The following TENM4 variants were observed in gnomAD, a reference collection of about 807,000 sequenced individuals.
The protein encoded by TENM4 is teneurin transmembrane protein 4, also known as teneurin-4.
TENM4 carries 82 observed loss-of-function variants against 243.3 expected under a neutral mutation model. The observed-to-expected ratio is 0.34, with a 90% CI of 0.28 to 0.40. The LOEUF (loss-of-function observed/expected upper bound fraction) is 0.40, where lower values mean the gene tolerates loss of function less well. Ranked by LOEUF, TENM4 falls within the 10% of genes least tolerant of loss-of-function variation. The probability of loss-of-function intolerance (pLI) is 1.00; values close to 1 mark genes in which losing one functional copy is unlikely to be tolerated. For missense variants in TENM4, 3,138 were observed against 3,673.3 expected, an observed-to-expected ratio of 0.85 and a Z score of 3.77; for synonymous variants, 1,412 against 1,456.3, an observed-to-expected ratio of 0.97 and a Z score of 0.69.
At chr11:79,129,063 G>A (rs1861941358) in intron 4 of TENM4, among the ~76,000 whole-genome samples, 1 of 152,182 alleles carries the variant, frequency 6.6e-6, no homozygotes, top group African/African-American at 2.4e-5. Flanking sequence ...TGCAGAAGGG[G>A]GAAAGGGAGA....
chr11:78,846,453 C>A lies in TENM4; in HGVS notation c.1681+7651G>T, dbSNP rs189093964. On this transcript the variant is annotated intron_variant, in intron 12 of 33. Transcript: ENST00000278550. ...GCACATGAAAGGCAATGAGTAAACACGGGTTGAATAATGAACAAATGAACA... is the reference window on the plus strand; with the variant it reads ...GCACATGAAAGGCAATGAGTAAACAAGGGTTGAATAATGAACAAATGAACA... Among the ~76,000 whole-genome samples the A allele has an allele frequency of 2.6e-3, 390 of 152,232 alleles. 1 individual carries two copies. Among genetic ancestry groups the A allele is most frequent in the Middle Eastern group, 0.014 (4 of 294 alleles).
At chr11:78,671,456 T>C (rs1001140045) in intron 31 of TENM4, among the ~76,000 whole-genome samples, 2 of 152,208 alleles carry the variant, frequency 1.3e-5, no homozygotes, top group Non-Finnish European at 2.9e-5. Context: ...GTGCACTTGT[T>C]CTCAGGAAAA....
At chr11:79,178,432 C>A (rs72935387) in intron 3 of TENM4, among the ~76,000 whole-genome samples, 4,143 of 150,924 alleles carry the variant, frequency 0.027, 87 homozygotes, top group Non-Finnish European at 0.04. Flanking sequence ...CCTGGGGCAC[C>A]CCTGCATTCA....
chr11:79,020,274 G>A (rs1038264921), intron 6 of TENM4, among the ~76,000 whole-genome samples: 6 of 152,106 alleles, frequency 3.9e-5, no homozygotes, highest in Admixed American at 3.3e-4. Flanking sequence ...GATCAACACC[G>A]AACACTAATT....
At chr11:79,076,430 A>G (rs1396352581) in intron 4 of TENM4, 2 of 155,486 alleles carry the variant, frequency 1.3e-5, no homozygotes, top group Non-Finnish European at 2.8e-5. Flanking sequence ...GGCACATCTC[A>G]CATGGTGGCA....
At chr11:78,942,738 T>C (rs747051314) in intron 6 of TENM4, among the ~76,000 whole-genome samples, 9 of 151,868 alleles carry the variant, frequency 5.9e-5, no homozygotes, top group East Asian at 3.9e-4. Flanking sequence ...CCTGCTTAAC[T>C]TTTCACAAAT....
In TENM4 at chr11:78,688,094, G is replaced by T; in HGVS notation, c.5220C>A (p.Thr1740=). 1.2e-6 allele frequency: 2 copies of T among 1,613,872 alleles called. No homozygotes were observed. The highest frequency in any genetic ancestry group is 1.7e-6 in the Non-Finnish European group (2 of 1,179,850). The part of the protein sequence containing the change: ...TSSKDDVTIT[T]NLSASGAFYT... ...AGAAGGCGCCTGAGGCAGACAGGTT[G>T]GTGGTTATGGTGACATCATCCTTGC... Residue 1740 remains threonine (T), a synonymous_variant, in exon 29 of 34, where the codon ACC becomes ACA. Coordinates refer to ENST00000278550, the MANE Select transcript of TENM4 (RefSeq NM_001098816.3).
chr11:79,092,169 G>T (rs1379140132), intron 4 of TENM4, among the ~76,000 whole-genome samples: 3 of 152,166 alleles, frequency 2.0e-5, no homozygotes, highest in South Asian at 2.1e-4. Flanking sequence ...CATCTCTGCT[G>T]CCAGGCACTG....
rs559248281 is a variant in TENM4 at position 78,827,253 on chromosome 11, A to G, written c.1682-12858T>C. ...TATACTTTAGAAAACACTGGAGAGGAGAAAGCCCAAATTTCTGAACCAGGA... is the reference window on the plus strand; with the variant it reads ...TATACTTTAGAAAACACTGGAGAGGGGAAAGCCCAAATTTCTGAACCAGGA... On this transcript the variant is annotated intron_variant, in intron 12 of 33. Transcript: ENST00000278550. 1.8e-3 allele frequency among the ~76,000 whole-genome samples: 275 copies of G among 152,248 alleles called. 1 individual carries two copies. The highest frequency in any genetic ancestry group is 6.5e-3 in the African/African-American group (271 of 41,556).
At chr11:79,104,099 C>T (rs962374999) in intron 4 of TENM4, among the ~76,000 whole-genome samples, 1 of 152,260 alleles carries the variant, frequency 6.6e-6, no homozygotes, top group South Asian at 2.1e-4. Flanking sequence ...GTCTTCCCTT[C>T]CTAGCTGAAA....
intron 6 of TENM4, among the ~76,000 whole-genome samples, chr11:78,985,379 T>G (rs1169309112): frequency 6.6e-6 from 1 of 152,170 alleles, no homozygotes; most frequent in African/African-American, 2.4e-5. Flanking sequence ...CAAAAGAGAA[T>G]GTATAGATTT....
chr11:78,945,592 T>A (rs1411884319), intron 6 of TENM4, among the ~76,000 whole-genome samples: 1 of 152,134 alleles, frequency 6.6e-6, no homozygotes, highest in Non-Finnish European at 1.5e-5. Context: ...CTAGAAATAA[T>A]TAAATTCAGT....
intron 6 of TENM4, 30 bp downstream of exon 6, chr11:79,064,708 C>T: frequency 6.4e-7 from 1 of 1,550,820 alleles, no homozygotes. Flanking sequence ...ACCACCCAGG[C>T]ACCCGGCACA....
intron 12 of TENM4, among the ~76,000 whole-genome samples, chr11:78,827,139 T>G (rs1857871531): frequency 6.6e-6 from 1 of 152,256 alleles, no homozygotes; most frequent in Non-Finnish European, 1.5e-5. Context: ...ATTTGCTATA[T>G]CTAACTATAT....
intron 12 of TENM4, among the ~76,000 whole-genome samples, chr11:78,825,074 G>A (rs1042899451): frequency 6.6e-6 from 1 of 152,194 alleles, no homozygotes; most frequent in Non-Finnish European, 1.5e-5. Flanking sequence ...TGTTGATCAA[G>A]TCTCTATTGA....
chr11:78,988,538 A>G lies in TENM4; in HGVS notation c.493+76200T>C, dbSNP rs747205616. Among the ~76,000 whole-genome samples, 12 of 152,354 alleles carry G rather than the reference A, an allele frequency of 7.9e-5. No homozygotes were observed. In the East Asian group the frequency reaches 2.1e-3, roughly 27 times the overall value. Reference sequence around the variant, plus strand: ...CTCTCACTGATGAGCTTATATCTTAAAGAAGTCACACATACACACAAAAAG... The same window carrying G: ...CTCTCACTGATGAGCTTATATCTTAGAGAAGTCACACATACACACAAAAAG... On this transcript the variant is annotated intron_variant, in intron 6 of 33. Coordinates refer to ENST00000278550, the MANE Select transcript of TENM4 (RefSeq NM_001098816.3).
At chr11:78,762,686 T>A (rs1041398029) in intron 18 of TENM4, among the ~76,000 whole-genome samples, 1 of 152,180 alleles carries the variant, frequency 6.6e-6, no homozygotes, top group Non-Finnish European at 1.5e-5. Context: ...GACACACAAA[T>A]GAGTAGGGCT....
chr11:79,244,555 G>A (rs1161908118), intron 2 of TENM4, among the ~76,000 whole-genome samples: 1 of 152,088 alleles, frequency 6.6e-6, no homozygotes, highest in Non-Finnish European at 1.5e-5. Flanking sequence ...GCAGCTTGAG[G>A]ACTCACCCAT....
At chr11:79,134,557 G>A (rs965351961) in intron 4 of TENM4, among the ~76,000 whole-genome samples, 37 of 152,046 alleles carry the variant, frequency 2.4e-4, no homozygotes, top group African/African-American at 8.9e-4. Flanking sequence ...TAAGCAAAAA[G>A]AACAAATCTG....
Sources: allele counts gnomAD v4.1 joint callset (sites outside exome capture counted in the v4.1 genomes callset), GRCh38; gene constraint gnomAD v4.1.1; transcripts MANE v1.5; gene names NCBI Gene and HGNC (gene_info 2026-07-23, HGNC 2026-07-21).